The following ARRDC2 variants were observed in gnomAD, a reference collection of about 807,000 sequenced individuals.
The protein encoded by ARRDC2 is arrestin domain containing 2.
ARRDC2 carries 39 observed loss-of-function variants against 38.9 expected under a neutral mutation model. That is an observed-to-expected ratio of 1.00 (90% CI 0.78 to 1.31). The LOEUF is 1.31. Ranked by LOEUF, ARRDC2 falls within the 50% of genes most tolerant of loss-of-function variation. The pLI is 0.00. For missense variants in ARRDC2, 553 were observed against 588.4 expected (o/e 0.94, Z 0.62); for synonymous variants, 300 against 261.9 (o/e 1.15, Z -1.41).
chr19:18,008,546 T>C lies in ARRDC2; in HGVS notation c.236T>C (p.Val79Ala). 2.6e-6 allele frequency: 4 copies of C among 1,564,148 alleles called. No homozygotes were observed. The highest frequency in any genetic ancestry group is 1.1e-5 in the South Asian group (1 of 87,954). Residue 79 changes from valine (V) to alanine (A), a missense_variant, in exon 1 of 8, where the codon GTG (valine) becomes GCG (alanine). Physicochemically the swap from Val to Ala is moderately conservative, Grantham distance 64. This residue lies in a region of ARRDC2 where 447 missense variants were observed against 456.6 expected (regional missense o/e 0.98). Transcript: ENST00000222250. The part of the protein sequence containing the change: ...TAYTQSYSER[V>A]EVVSHRATLL... ...TACACGCAGAGCTACAGTGAACGCG[T>C]GGAGGTCGTGAGCCACCGCGCCACG...
At position 18,009,120 on chromosome 19, in the gene ARRDC2, T is replaced by C. The variant is rs774298500; in HGVS notation, c.489+2T>C. 7.4e-6 allele frequency: 12 copies of C among 1,613,158 alleles called. No individual in the cohort carries two copies. Among genetic ancestry groups the C allele is most frequent in the Non-Finnish European group, 1.0e-5 (12 of 1,179,818 alleles). On this transcript the variant is annotated splice_donor_variant, in intron 3 of 7. Coordinates refer to ENST00000222250, the MANE Select transcript of ARRDC2 (RefSeq NM_015683.2). LOFTEE classifies it high-confidence loss of function. Reference sequence around the variant, plus strand: ...GACATCAACACGCCAGCCCTGCTGGTGAGTGGCCACCCTTGGGGAGGTAGG... The same window carrying C: ...GACATCAACACGCCAGCCCTGCTGGCGAGTGGCCACCCTTGGGGAGGTAGG...
In ARRDC2 at chr19:18,013,453, G is replaced by T. The variant is rs576359428; in HGVS notation, c.*487G>T. ...AGACGAATGAGGAATAAAGGTCAGA[G>T]AAGGTCAGAGCTGAGTGACGTTTGG... On this transcript the variant is annotated 3_prime_UTR_variant, in exon 8 of 8. Coordinates refer to ENST00000222250, the MANE Select transcript of ARRDC2 (RefSeq NM_015683.2). 165 of 155,354 alleles carry T rather than the reference G, an allele frequency of 1.1e-3. No homozygotes were observed. Among genetic ancestry groups the T allele is most frequent in the Non-Finnish European group, 2.1e-3 (145 of 69,754 alleles). 9.6% of individuals were successfully genotyped at this position (155,354 alleles called of 1,614,324 possible).
At position 18,001,611 on chromosome 19, in the gene ARRDC2, A is replaced by AC. The variant is rs758798478; in HGVS notation, c.259+43dup. The AC allele has an allele frequency of 1.8e-5, 23 of 1,297,080 alleles. No individual in the cohort carries two copies. In the South Asian group the frequency reaches 4.5e-4, roughly 26 times the overall value. The allele number at this position is 1,297,080 out of a possible 1,614,324, so 80.3% of individuals were successfully genotyped here. On this transcript the variant is annotated intron_variant, in intron 1 of 7. Coordinates refer to the ARRDC2 transcript ENST00000379656. ...TCGCGCCGCCCCCGCAGCAGCCGGG[A>AC]CCCCCTCGGCCGCGACCCTCTTCAG...
upstream of ARRDC2, chr19:18,008,120 C>CCCCCCCCCCCCCCCCCCCCCAAAAAAA: frequency 5.2e-6 from 3 of 572,700 alleles, no homozygotes; most frequent in South Asian, 2.1e-5. Flanking sequence ...ACGGTGACCC[C>CCCCCCCCCCCCCCCCCCCCCAAAAAAA]ACCCCCCCCC....
intron 6 of ARRDC2, 71 bp downstream of exon 6, chr19:18,010,429 C>G: frequency 1.9e-6 from 3 of 1,569,518 alleles, no homozygotes; most frequent in African/African-American, 1.3e-5. Context: ...GGTCAACTCT[C>G]TCACCACGAG....
At chr19:18,006,426 A>G (rs2033279241), upstream of ARRDC2, among the ~76,000 whole-genome samples, 1 of 152,148 alleles carries the variant, frequency 6.6e-6, no homozygotes, top group African/African-American at 2.4e-5. Context: ...GGAGCTGGAG[A>G]CCAGCCGGGC....
chr19:18,009,618 G>T lies in ARRDC2; in HGVS notation c.516G>T (p.Lys172Asn). The T allele has an allele frequency of 2.5e-6, 4 of 1,606,930 alleles. No homozygotes were observed. The South Asian group carries it at 3.3e-5, about 13-fold the overall frequency. The change falls in exon 4 of 8, where the codon AAG (lysine) becomes AAT (asparagine). Residue 172 changes from lysine to asparagine, a missense_variant. Physicochemically the swap from Lys to Asn is moderately conservative, Grantham distance 94. Transcript: ENST00000222250. Reference sequence around the variant, plus strand: ...CACCTCAAGCGGGGGCTCGGGAAAAGGTTGCCCGATCCTGGTACTGTAACC... The same window carrying T: ...CACCTCAAGCGGGGGCTCGGGAAAATGTTGCCCGATCCTGGTACTGTAACC... ...LLAPQAGAREKVARSWYCNRG... is the reference protein window; with the variant it reads ...LLAPQAGARENVARSWYCNRG...
upstream of ARRDC2, among the ~76,000 whole-genome samples, chr19:18,006,462 C>CA (rs1199596160): frequency 5.9e-5 from 9 of 152,242 alleles, no homozygotes; most frequent in East Asian, 1.4e-3. Context: ...CCTTCTCCAC[C>CA]AAAAAAACCA....
Position 18,010,574 on chromosome 19 carries a change from C to T in ARRDC2, c.1015C>T (p.Pro339Ser). The stretch of plus-strand genomic sequence containing the variant: ...CCCACCCTGTCTCTCGCTTCCAGCT[C>T]CTCCTGAGTACTCGGAGGTGGTAGC... ...LGALPERPEA[P>S]PEYSEVVADT... The change falls in exon 7 of 8, where the codon CCT (proline) becomes TCT (serine). Residue 339 changes from proline (P) to serine (S), a missense_variant and splice_region_variant. By Grantham distance (74) the Pro-to-Ser change is moderately conservative (BLOSUM62 -1). Coordinates refer to ENST00000222250, the MANE Select transcript of ARRDC2 (RefSeq NM_015683.2). 6.2e-7 allele frequency: 1 copy of T among 1,613,590 alleles called. No individual in the cohort carries two copies. Among genetic ancestry groups the T allele is most frequent in the South Asian group, 1.1e-5 (1 of 91,078 alleles).
Position 18,008,583 on chromosome 19 carries a change from AG to A in ARRDC2, c.274+1del. 1 of 1,588,344 alleles carries A rather than the reference AG, an allele frequency of 6.3e-7. No individual in the cohort carries two copies. Among genetic ancestry groups the A allele is most frequent in the South Asian group, 1.1e-5 (1 of 90,256 alleles). ...VSHRATLLAPDTGETTTLPPG... is the reference protein window; with the variant it reads ...VSHRATLLAPXTGETTTLPPG... The stretch of plus-strand genomic sequence containing the variant: ...GCCACCGCGCCACGCTCCTGGCGCC[AG>A]GTACGGATGGAGGACCCCTGCTCCA... On this transcript the variant is annotated frameshift_variant and splice_region_variant, in exon 1 of 8. Transcript: ENST00000222250. LOFTEE classifies it high-confidence loss of function.
At chr19:18,001,450 G>A in exon 1 of ARRDC2, 1 of 1,265,946 alleles carries the variant, frequency 7.9e-7, no homozygotes, top group Non-Finnish European at 1.0e-6. Context: ...AGCGCTCGAG[G>A]TGAAGGCGCG....
Position 18,009,803 on chromosome 19 carries a change from G to T in ARRDC2, c.613G>T (p.Ala205Ser), listed in dbSNP as rs1408790094. The T allele has an allele frequency of 6.2e-7, 1 of 1,612,648 alleles. No individual in the cohort carries two copies. Among genetic ancestry groups the T allele is most frequent in the Non-Finnish European group, 8.5e-7 (1 of 1,179,890 alleles). The change falls in exon 5 of 8, where the codon GCC becomes TCC. Residue 205 changes from alanine to serine, a missense_variant. Ala to Ser is a moderately conservative substitution (Grantham distance 99). This residue lies in a region of ARRDC2 where 447 missense variants were observed against 456.6 expected (regional missense o/e 0.98). Coordinates refer to ENST00000222250, the MANE Select transcript of ARRDC2 (RefSeq NM_015683.2). ...YTPGEVIPVF[A>S]EIDNGSTRPV... Reference sequence around the variant, plus strand: ...TGCAGGAGAGGTCATCCCTGTCTTTGCCGAGATCGACAACGGCTCCACACG... The same window carrying T: ...TGCAGGAGAGGTCATCCCTGTCTTTTCCGAGATCGACAACGGCTCCACACG...
At position 18,009,607 on chromosome 19, in the gene ARRDC2, G is replaced by A. The variant is rs767239021; in HGVS notation, c.505G>A (p.Ala169Thr). 6 of 1,603,202 alleles carry A rather than the reference G, an allele frequency of 3.7e-6. No individual in the cohort carries two copies. The highest frequency in any genetic ancestry group is 5.1e-6 in the Non-Finnish European group (6 of 1,171,996). The change falls in exon 4 of 8, where the codon GCT (alanine) becomes ACT (threonine). Residue 169 changes from alanine (A) to threonine (T), a missense_variant. Physicochemically the swap from Ala to Thr is moderately conservative, Grantham distance 58. Coordinates refer to ENST00000222250, the MANE Select transcript of ARRDC2 (RefSeq NM_015683.2). Reference protein sequence around the residue: ...TPALLAPQAGAREKVARSWYC... With the variant: ...TPALLAPQAGTREKVARSWYC... ...ACACCGACAGGCACCTCAAGCGGGG[G>A]CTCGGGAAAAGGTTGCCCGATCCTG...
chr19:18,001,200 C>G, exon 1 of ARRDC2: 1 of 1,070,312 alleles, frequency 9.3e-7, no homozygotes, highest in African/African-American at 1.7e-5. Flanking sequence ...CGGGGGGGCC[C>G]GGAGGAAGCT....
chr19:18,009,070 G>A lies in ARRDC2; in HGVS notation c.441G>A (p.Lys147=), dbSNP rs767008804. 8 of 1,613,422 alleles carry A rather than the reference G, an allele frequency of 5.0e-6. No individual in the cohort carries two copies. In the African/African-American group the frequency reaches 9.3e-5, roughly 19 times the overall value. Residue 147 remains lysine (K), a synonymous_variant, in exon 3 of 8, where the codon AAG becomes AAA. Coordinates refer to ENST00000222250, the MANE Select transcript of ARRDC2 (RefSeq NM_015683.2). ...GGGTCCCAGCACGCCGGGCAAGGAA[G>A]GTGTTCACTGTCATCGAGCCTGTGG... ...RPWVPARRAR[K]VFTVIEPVDI...
At chr19:18,003,937 C>A (rs1484182843), upstream of ARRDC2, among the ~76,000 whole-genome samples, 1 of 151,844 alleles carries the variant, frequency 6.6e-6, no homozygotes, top group Non-Finnish European at 1.5e-5. Context: ...CAGTGCCCGG[C>A]CAATTTTTGT....
intron 1 of ARRDC2, chr19:18,001,614 C>G (rs2033188494): frequency 7.7e-7 from 1 of 1,296,374 alleles, no homozygotes. Context: ...AGCCGGGACC[C>G]CCTCGGCCGC....
chr19:18,010,669 A>G lies in ARRDC2; in HGVS notation c.1110A>G (p.Glu370=), dbSNP rs371778701. ...CGCAGGACCCCGACATGAGCCTTGA[A>G]GGCCCGTTCTTCGCCTACATCCAAG... ...PLPQDPDMSL[E]GPFFAYIQEF... Residue 370 remains glutamate, a synonymous_variant, in exon 7 of 8, where the codon GAA becomes GAG. Transcript: ENST00000222250. The G allele has an allele frequency of 6.2e-7, 1 of 1,613,758 alleles. No homozygotes were observed. The highest frequency in any genetic ancestry group is 8.5e-7 in the Non-Finnish European group (1 of 1,180,022).
At position 18,008,210 on chromosome 19, in the gene ARRDC2, G is replaced by T. The variant is rs899155822; in HGVS notation, c.-101G>T. ...TTGGTGAGCGCGCCTGCGCGTTGAC[G>T]GCGATTTTGCGTTCTGAGGCTGCAG... On this transcript the variant is annotated 5_prime_UTR_variant, in exon 1 of 8. Transcript: ENST00000222250. 7.3e-5 allele frequency: 110 copies of T among 1,508,138 alleles called. No individual in the cohort carries two copies. The highest frequency in any genetic ancestry group is 9.4e-5 in the Non-Finnish European group (107 of 1,140,264). The allele number at this position is 1,508,138 out of a possible 1,614,324, so 93.4% of individuals were successfully genotyped here. A position where few individuals can be genotyped will look rare whatever the true frequency, so the allele number is the denominator to read the frequency against.
Sources: allele counts gnomAD v4.1 joint callset (sites outside exome capture counted in the v4.1 genomes callset), GRCh38; gene constraint gnomAD v4.1.1; regional missense constraint gnomAD v4.1.1; transcripts MANE v1.5; gene names NCBI Gene and HGNC (gene_info 2026-07-23, HGNC 2026-07-21).